PRKAR2B: variants seen among roughly 807,000 people sequenced by gnomAD.
PRKAR2B encodes cAMP-dependent protein kinase type II-beta regulatory subunit.
Under a neutral mutation model 49.9 loss-of-function variants are expected in PRKAR2B, and 14 were observed. That is an observed-to-expected ratio of 0.28 (90% CI 0.19 to 0.44). PRKAR2B has a LOEUF of 0.44. PRKAR2B is among the 20% of genes least tolerant of loss of function. The pLI, the probability that PRKAR2B is intolerant of heterozygous loss-of-function variation, is 1.00. For missense variants in PRKAR2B, 393 were observed against 537.9 expected (o/e 0.73, Z 2.67); for synonymous variants, 196 against 197.7 (o/e 0.99, Z 0.07).
chr7:107,116,199 G>A (rs1795269239), intron 2 of PRKAR2B, among the ~76,000 whole-genome samples: 1 of 152,144 alleles, frequency 6.6e-6, no homozygotes, highest in Admixed American at 6.5e-5. Context: ...AACATTTACT[G>A]TGTGCCAGTC....
At chr7:107,098,386 T>C (rs924695104) in intron 2 of PRKAR2B, among the ~76,000 whole-genome samples, 2 of 152,224 alleles carry the variant, frequency 1.3e-5, no homozygotes, top group African/African-American at 4.8e-5. Context: ...TTGTCTGTAC[T>C]GTTTATTCTA....
At chr7:107,127,777 C>A (rs1345063254) in intron 3 of PRKAR2B, among the ~76,000 whole-genome samples, 1 of 152,202 alleles carries the variant, frequency 6.6e-6, no homozygotes, top group Non-Finnish European at 1.5e-5. Flanking sequence ...GAAAGAATTA[C>A]ATCCTGAAAG....
intron 4 of PRKAR2B, among the ~76,000 whole-genome samples, chr7:107,139,886 A>G (rs1795761016): frequency 6.6e-6 from 1 of 152,058 alleles, no homozygotes; most frequent in Non-Finnish European, 1.5e-5. Context: ...TCAACTCTTT[A>G]GTTTATGTAT....
intron 2 of PRKAR2B, among the ~76,000 whole-genome samples, chr7:107,100,226 CAT>C (rs1214858238): frequency 2.6e-5 from 4 of 152,084 alleles, no homozygotes; most frequent in Non-Finnish European, 5.9e-5. Flanking sequence ...TCTATCTGGA[CAT>C]GAGTTCATTT....
In PRKAR2B at chr7:107,159,432, AT is replaced by A. The variant is rs748046447; in HGVS notation, c.1124-16del. On this transcript the variant is annotated splice_polypyrimidine_tract_variant and intron_variant, in intron 10 of 10. Transcript: ENST00000265717. Reference sequence around the variant, plus strand: ...TGCAAAGAATGTTATTTAAAAAAAAATCTTCTCTTTTCTCAGCAATGGATGT... The same window carrying A: ...TGCAAAGAATGTTATTTAAAAAAAAACTTCTCTTTTCTCAGCAATGGATGT... 18 of 1,611,110 alleles carry A rather than the reference AT, an allele frequency of 1.1e-5. No individual in the cohort carries two copies. The highest frequency in any genetic ancestry group is 1.5e-5 in the Non-Finnish European group (18 of 1,179,074).
chr7:107,057,045 T>C (rs186939285), intron 1 of PRKAR2B, among the ~76,000 whole-genome samples: 8 of 152,328 alleles, frequency 5.3e-5, no homozygotes, highest in Admixed American at 5.2e-4. Flanking sequence ...AACTGATCTA[T>C]TGCCCTGAAC....
intron 2 of PRKAR2B, among the ~76,000 whole-genome samples, chr7:107,096,042 C>CT (rs1441591003): frequency 2.0e-5 from 3 of 152,174 alleles, no homozygotes; most frequent in Non-Finnish European, 4.4e-5. Context: ...AGGATTCCCT[C>CT]TTGTTCTATT....
At chr7:107,136,212 CTG>C (rs1795699202) in intron 4 of PRKAR2B, among the ~76,000 whole-genome samples, 1 of 152,194 alleles carries the variant, frequency 6.6e-6, no homozygotes, top group African/African-American at 2.4e-5. Flanking sequence ...AAACACAAAA[CTG>C]TAAAATTCCT....
At chr7:107,061,352 C>T (rs1418359710) in intron 1 of PRKAR2B, among the ~76,000 whole-genome samples, 6 of 152,146 alleles carry the variant, frequency 3.9e-5, no homozygotes, top group Admixed American at 3.3e-4. Context: ...GATACTGAGT[C>T]TTCCTATCCA....
intron 10 of PRKAR2B, among the ~76,000 whole-genome samples, chr7:107,157,678 A>T (rs527797044): frequency 1.3e-5 from 2 of 152,214 alleles, no homozygotes; most frequent in Admixed American, 6.5e-5. Context: ...AAAGTCCGTT[A>T]TTAAGATCTG....
At chr7:107,134,752 C>T (rs578112815) in intron 4 of PRKAR2B, among the ~76,000 whole-genome samples, 41 of 152,270 alleles carry the variant, frequency 2.7e-4, no homozygotes, top group African/African-American at 9.1e-4. Flanking sequence ...AGAATAGTTT[C>T]TTCAACAAAT....
intron 2 of PRKAR2B, among the ~76,000 whole-genome samples, chr7:107,094,283 C>T (rs58979869): frequency 0.12 from 17,831 of 151,878 alleles, 1,213 homozygotes; most frequent in African/African-American, 0.18. Context: ...CATTTTTTCA[C>T]GTCTGTTGGC....
intron 2 of PRKAR2B, 77 bp from the exon 3 acceptor site, chr7:107,121,875 T>C: frequency 1.3e-6 from 1 of 794,650 alleles, no homozygotes; most frequent in South Asian, 2.3e-5. Context: ...TTTTGTTCAT[T>C]AAGTGTTAAC....
chr7:107,144,410 T>C (rs930200615), intron 5 of PRKAR2B, among the ~76,000 whole-genome samples: 6 of 151,972 alleles, frequency 3.9e-5, no homozygotes, highest in East Asian at 1.9e-4. Flanking sequence ...TTTTCTTCTG[T>C]CTATCATGTT....
chr7:107,100,228 T>C, intron 2 of PRKAR2B, among the ~76,000 whole-genome samples: 1 of 152,194 alleles, frequency 6.6e-6, no homozygotes, highest in East Asian at 1.9e-4. Flanking sequence ...TATCTGGACA[T>C]GAGTTCATTT....
In PRKAR2B at chr7:107,159,548, G is replaced by T; in HGVS notation, c.1223G>T (p.Gly408Val). Residue 408 changes from glycine (G) to valine (V), a missense_variant, in exon 11 of 11, where the codon GGA becomes GTA. By Grantham distance (109) the Gly-to-Val change is moderately radical (BLOSUM62 -3). Coordinates refer to ENST00000265717, the MANE Select transcript of PRKAR2B (RefSeq NM_002736.3). ...TYEEQLVALF[G>V]TNMDIVEPTA is the part of the protein sequence containing the mutation. ...GAAGAACAGTTAGTTGCCCTGTTTGGAACGAACATGGATATTGTTGAACCC... is the reference window on the plus strand; with the variant it reads ...GAAGAACAGTTAGTTGCCCTGTTTGTAACGAACATGGATATTGTTGAACCC... 1 of 1,614,002 alleles carries T rather than the reference G, an allele frequency of 6.2e-7. No homozygotes were observed. The highest frequency in any genetic ancestry group is 8.5e-7 in the Non-Finnish European group (1 of 1,179,914).
chr7:107,083,214 CAA>C (rs1394241896), intron 2 of PRKAR2B, among the ~76,000 whole-genome samples: 29 of 115,246 alleles, frequency 2.5e-4, no homozygotes, highest in Middle Eastern at 4.3e-3. Flanking sequence ...GAGACTGTCT[CAA>C]AAAAAAAAAA....
In PRKAR2B at chr7:107,065,313, G is replaced by GGTGT. The variant is rs1353262616; in HGVS notation, c.308-4963_308-4960dup. ...TTGTTTTTTATTTTTGTTTGCTCGG[G>GGTGT]GTGTGTGTATGTGTGTGTGTGTGTG... On this transcript the variant is annotated intron_variant, in intron 1 of 10. Transcript: ENST00000265717. Among the ~76,000 whole-genome samples the GGTGT allele has an allele frequency of 5.6e-4, 73 of 130,386 alleles. 1 individual carries two copies. Among genetic ancestry groups the GGTGT allele is most frequent in the African/African-American group, 1.9e-3 (66 of 34,292 alleles). 85.5% of individuals were successfully genotyped at this position (130,386 alleles called of 152,430 possible). A position where few individuals can be genotyped will look rare whatever the true frequency, so the allele number is the denominator to read the frequency against.
intron 8 of PRKAR2B, among the ~76,000 whole-genome samples, chr7:107,154,157 T>C (rs931263195): frequency 6.6e-6 from 1 of 152,196 alleles, no homozygotes; most frequent in African/African-American, 2.4e-5. Flanking sequence ...AGTTCTACTG[T>C]ATAAACTAGT....
Sources: gnomAD v4.1 joint callset for allele counts (sites outside exome capture counted in the v4.1 genomes callset) on GRCh38, gnomAD v4.1.1 for gene constraint, MANE v1.5 for transcripts, NCBI Gene and HGNC (gene_info 2026-07-23, HGNC 2026-07-21) for gene names.